Variants in IL36B observed in about 807,000 individuals in gnomAD.
IL36B encodes interleukin 36 beta, also known as interleukin-36 beta.
A neutral mutation model predicts 19.3 loss-of-function variants in IL36B; 23 were observed. That is an observed-to-expected ratio of 1.19 (90% CI 0.86 to 1.69). The LOEUF is 1.69. Among genes scored for constraint, IL36B ranks in the 40% most tolerant of loss-of-function variants. IL36B has a pLI of 0.00. For synonymous variants in IL36B, 59 were observed against 59.7 expected, an observed-to-expected ratio of 0.99 and a Z score of 0.05; for missense variants, 217 against 200.5, an observed-to-expected ratio of 1.08 and a Z score of -0.50.
intron 1 of IL36B, among the ~76,000 whole-genome samples, chr2:113,046,283 T>C (rs193108352): frequency 3.2e-3 from 491 of 151,402 alleles, no homozygotes; most frequent in South Asian, 0.011. Context: ...CATCTCGGCT[T>C]ACTGCAAGCT....
chr2:113,026,009 C>T, intron 5 of IL36B: 1 of 1,521,526 alleles, frequency 6.6e-7, no homozygotes, highest in Non-Finnish European at 8.9e-7. Flanking sequence ...GTGATTATGT[C>T]TCAATACTGC....
chr2:113,026,279 G>A, intron 4 of IL36B: 1 of 1,609,902 alleles, frequency 6.2e-7, no homozygotes, highest in Non-Finnish European at 8.5e-7. Flanking sequence ...ACACTGCCAG[G>A]TTACACTGTC....
rs779740347 is a variant in IL36B at position 113,029,009 on chromosome 2, A to G, written c.191T>C (p.Leu64Pro). 6.2e-7 allele frequency: 1 copy of G among 1,614,044 alleles called. No homozygotes were observed. Among genetic ancestry groups the G allele is most frequent in the South Asian group, 1.1e-5 (1 of 91,074 alleles). Residue 64 changes from leucine to proline, a missense_variant, in exon 4 of 6, where the codon CTG becomes CCG. Coordinates refer to ENST00000259213, the MANE Select transcript of IL36B (RefSeq NM_014438.5). ...ACAGAGATCTTTTCCCTTGATTCCC[A>G]GGTAAACCATATTACCCTTTTCCTT...
intron 1 of IL36B, among the ~76,000 whole-genome samples, chr2:113,038,624 C>T (rs1685198068): frequency 2.0e-5 from 3 of 152,186 alleles, no homozygotes; most frequent in African/African-American, 7.2e-5. Context: ...AATTTGGCCA[C>T]ACACTGAGGA....
intron 1 of IL36B, among the ~76,000 whole-genome samples, chr2:113,047,218 G>C (rs1685365051): frequency 1.3e-5 from 2 of 151,998 alleles, no homozygotes; most frequent in South Asian, 4.2e-4. Context: ...ACATGCTTAG[G>C]CTGCTCTTGT....
At chr2:113,028,489 A>T (rs911311103) in intron 4 of IL36B, among the ~76,000 whole-genome samples, 2 of 152,250 alleles carry the variant, frequency 1.3e-5, no homozygotes, top group African/African-American at 4.8e-5. Context: ...TTCCAACAAT[A>T]GCAGAAGAAT....
chr2:113,042,142 G>A (rs913569698), intron 1 of IL36B, among the ~76,000 whole-genome samples: 3 of 152,140 alleles, frequency 2.0e-5, no homozygotes, highest in Non-Finnish European at 4.4e-5. Flanking sequence ...TGTATCTGAG[G>A]CACCTGTTCA....
At chr2:113,051,712 G>A (rs1044245967) in intron 1 of IL36B, among the ~76,000 whole-genome samples, 2 of 152,204 alleles carry the variant, frequency 1.3e-5, no homozygotes, top group Non-Finnish European at 2.9e-5. Context: ...GGGTTGGAGA[G>A]GGAGTCCTGG....
intron 1 of IL36B, among the ~76,000 whole-genome samples, chr2:113,036,614 C>T (rs369218435): frequency 9.2e-5 from 14 of 152,224 alleles, no homozygotes; most frequent in Admixed American, 8.5e-4. Flanking sequence ...ATTTCCTCTT[C>T]CTGCCCCCAG....
At chr2:113,024,996 C>T (rs1383094962) in intron 5 of IL36B, among the ~76,000 whole-genome samples, 9 of 152,330 alleles carry the variant, frequency 5.9e-5, no homozygotes, top group Admixed American at 4.6e-4. Context: ...GGCTCCTTCT[C>T]TTGTGCCCCT....
intron 1 of IL36B, among the ~76,000 whole-genome samples, chr2:113,043,699 A>G (rs1283348672): frequency 6.6e-6 from 1 of 152,102 alleles, no homozygotes; most frequent in Non-Finnish European, 1.5e-5. Context: ...GATTACAGGC[A>G]TGCACCACCA....
At chr2:113,033,961 C>A (rs115528752) in intron 1 of IL36B, among the ~76,000 whole-genome samples, 1 of 152,338 alleles carries the variant, frequency 6.6e-6, no homozygotes, top group African/African-American at 2.4e-5. Context: ...CCACCATTGA[C>A]TCTATCTTCT....
At chr2:113,031,410 A>G (rs1032894022) in intron 2 of IL36B, among the ~76,000 whole-genome samples, 11 of 152,120 alleles carry the variant, frequency 7.2e-5, no homozygotes, top group Non-Finnish European at 1.6e-4. Context: ...TCTTTTTCCG[A>G]ATGATAAAAT....
intron 5 of IL36B, among the ~76,000 whole-genome samples, chr2:113,023,013 T>C (rs1405318714): frequency 6.6e-6 from 1 of 152,176 alleles, no homozygotes; most frequent in Non-Finnish European, 1.5e-5. Flanking sequence ...AAAGTCTAGA[T>C]TGAGGCCCCA....
At chr2:113,030,230 TAA>T (rs539841856) in intron 3 of IL36B, among the ~76,000 whole-genome samples, 3 of 143,484 alleles carry the variant, frequency 2.1e-5, no homozygotes, top group African/African-American at 2.6e-5. Flanking sequence ...AGACTCCGTT[TAA>T]AAAAAAAAAA....
At chr2:113,033,926 T>C (rs1373462645) in intron 1 of IL36B, among the ~76,000 whole-genome samples, 1 of 152,190 alleles carries the variant, frequency 6.6e-6, no homozygotes, top group Non-Finnish European at 1.5e-5. Flanking sequence ...TCCCAATCAC[T>C]CTTTGTGGTT....
chr2:113,051,814 G>A (rs1016241485), intron 1 of IL36B, among the ~76,000 whole-genome samples: 8 of 152,242 alleles, frequency 5.3e-5, no homozygotes, highest in Admixed American at 6.5e-5. Flanking sequence ...GGACTTTCAC[G>A]GATGTCCTCA....
rs147435589 is a variant in IL36B, at chr2:113,028,976, C to T, written c.224G>A (p.Cys75Tyr). The change falls in exon 4 of 6, where the codon TGT becomes TAT. Residue 75 changes from cysteine to tyrosine, a missense_variant. By Grantham distance (194) the Cys-to-Tyr change is radical. Coordinates refer to ENST00000259213, the MANE Select transcript of IL36B (RefSeq NM_014438.5). ...AGTAGGCTTGCCCTGAATTTCTGCA[C>T]AGAAGAGACAGAGATCTTTTCCCTT... The T allele has an allele frequency of 8.1e-6, 13 of 1,614,164 alleles. No individual in the cohort carries two copies. Among genetic ancestry groups the T allele is most frequent in the Non-Finnish European group, 1.1e-5 (13 of 1,179,988 alleles).
At chr2:113,046,452 G>A (rs181661059) in intron 1 of IL36B, among the ~76,000 whole-genome samples, 13 of 152,042 alleles carry the variant, frequency 8.6e-5, no homozygotes, top group South Asian at 8.3e-4. Flanking sequence ...CTCGTGATCC[G>A]CCCACCTCGG....
Sources: gnomAD v4.1 joint callset for allele counts (sites outside exome capture counted in the v4.1 genomes callset) on GRCh38, gnomAD v4.1.1 for gene constraint, MANE v1.5 for transcripts, NCBI Gene and HGNC (gene_info 2026-07-23, HGNC 2026-07-21) for gene names.